Variants in VPS13D observed in about 807,000 individuals in gnomAD.
VPS13D encodes intermembrane lipid transfer protein VPS13D.
Under a neutral mutation model 461.9 loss-of-function variants are expected in VPS13D, and 187 were observed. The observed-to-expected ratio is 0.40, with a 90% CI of 0.36 to 0.46. The LOEUF (loss-of-function observed/expected upper bound fraction) is 0.46. Ranked by LOEUF, VPS13D falls within the 20% of genes least tolerant of loss-of-function variation. The probability of loss-of-function intolerance (pLI) is 0.60; values close to 1 mark genes in which losing one functional copy is unlikely to be tolerated. For synonymous variants in VPS13D, 1,951 were observed against 1,986.3 expected, an observed-to-expected ratio of 0.98 and a Z score of 0.47; for missense variants, 4,711 against 5,364.9, an observed-to-expected ratio of 0.88 and a Z score of 3.81.
At chr1:12,366,997 T>C (rs183017592) in intron 52 of VPS13D, among the ~76,000 whole-genome samples, 119 of 152,358 alleles carry the variant, frequency 7.8e-4, no homozygotes, top group Non-Finnish European at 1.4e-3. Flanking sequence ...ATATGTTTTC[T>C]AATAAATAGT....
At chr1:12,356,672 T>C in intron 49 of VPS13D, 148 bp downstream of exon 49, 1 of 1,022,440 alleles carries the variant, frequency 9.8e-7, no homozygotes, top group Non-Finnish European at 1.3e-6. Flanking sequence ...CCTAATGGGA[T>C]TTTTGGGGAT....
At chr1:12,439,487 CTT>C (rs1365821802) in intron 65 of VPS13D, among the ~76,000 whole-genome samples, 1 of 151,900 alleles carries the variant, frequency 6.6e-6, no homozygotes, top group Non-Finnish European at 1.5e-5. Context: ...CTCCTCCCCT[CTT>C]GTTTTTCTAC....
chr1:12,293,011 G>C (rs1390616322), intron 23 of VPS13D, among the ~76,000 whole-genome samples: 3 of 152,132 alleles, frequency 2.0e-5, no homozygotes, highest in Admixed American at 1.3e-4. Flanking sequence ...ATTAAACTCA[G>C]AACAATTTGT....
intron 2 of VPS13D, among the ~76,000 whole-genome samples, chr1:12,239,443 G>A (rs561727468): frequency 5.3e-5 from 8 of 152,318 alleles, no homozygotes; most frequent in African/African-American, 1.9e-4. Context: ...CCAGCCTTAA[G>A]TGGATTTTAG....
At chr1:12,341,913 G>A (rs1643577163) in intron 41 of VPS13D, 28 bp downstream of exon 41, 1 of 1,608,264 alleles carries the variant, frequency 6.2e-7, no homozygotes, top group Non-Finnish European at 8.5e-7. Flanking sequence ...ATTACCCCGA[G>A]TCATCTCTGC....
At chr1:12,492,639 T>C (rs1488047584) in intron 67 of VPS13D, among the ~76,000 whole-genome samples, 5 of 152,202 alleles carry the variant, frequency 3.3e-5, no homozygotes, top group Non-Finnish European at 7.3e-5. Context: ...AGCCAGCAAA[T>C]TCCCCCTAGA....
intron 5 of VPS13D, among the ~76,000 whole-genome samples, chr1:12,247,292 C>T (rs372261070): frequency 1.3e-5 from 2 of 151,864 alleles, no homozygotes; most frequent in Admixed American, 1.3e-4. Flanking sequence ...ATGTGCGTGT[C>T]GTCCCAGCTA....
At position 12,352,573 on chromosome 1, in the gene VPS13D, G is replaced by A. The variant is rs568619951; in HGVS notation, c.9432-1401G>A. On this transcript the variant is annotated intron_variant, in intron 46 of 69. Transcript: ENST00000620676. ...TAAAAAAAGAATGACAACACCAAGT[G>A]TTGACAAAGATGTGGAGCCACTAAA... Among the ~76,000 whole-genome samples, 58 of 152,308 alleles carry A rather than the reference G, an allele frequency of 3.8e-4. 2 individuals carry two copies. The South Asian group carries it at 0.011, about 30-fold the overall frequency.
intron 25 of VPS13D, among the ~76,000 whole-genome samples, chr1:12,303,008 T>C (rs1421901978): frequency 6.6e-6 from 1 of 152,196 alleles, no homozygotes; most frequent in Admixed American, 6.5e-5. Flanking sequence ...AACACATCTG[T>C]GAAGTTCACC....
intron 52 of VPS13D, among the ~76,000 whole-genome samples, chr1:12,364,038 TA>T (rs970380422): frequency 6.6e-6 from 1 of 151,140 alleles, no homozygotes; most frequent in African/African-American, 2.4e-5. Flanking sequence ...TCAAATACTT[TA>T]AAAAAATTAT....
intron 67 of VPS13D, among the ~76,000 whole-genome samples, chr1:12,467,395 C>T (rs192404082): frequency 6.6e-6 from 1 of 152,342 alleles, no homozygotes; most frequent in East Asian, 1.9e-4. Flanking sequence ...CGGTCTCGAA[C>T]TCCTGACCTC....
Position 12,260,715 on chromosome 1 carries a change from A to G in VPS13D, c.1133A>G (p.Glu378Gly). Reference protein sequence around the residue: ...DDKEEMCRIEEEQSFEELKIL... With the variant: ...DDKEEMCRIEGEQSFEELKIL... ...CAGGAGGAAATGTGTCGGATTGAAG[A>G]GGAACAGAGCTTTGAGGAATTGAAG... The change falls in exon 11 of 70, where the codon GAG becomes GGG. Residue 378 changes from glutamate (E) to glycine (G), a missense_variant. By Grantham distance (98) the Glu-to-Gly change is moderately conservative. This residue lies in a region of VPS13D where 4,411 missense variants were observed against 4,937.8 expected (regional missense o/e 0.89). Coordinates refer to ENST00000620676, the MANE Select transcript of VPS13D (RefSeq NM_015378.4). 6.2e-7 allele frequency: 1 copy of G among 1,614,110 alleles called. No individual in the cohort carries two copies. Among genetic ancestry groups the G allele is most frequent in the South Asian group, 1.1e-5 (1 of 91,084 alleles).
Position 12,379,917 on chromosome 1 carries a change from C to T in VPS13D, c.11190+321C>T, listed in dbSNP as rs374859721. On this transcript the variant is annotated intron_variant, in intron 57 of 69. Coordinates refer to ENST00000620676, the MANE Select transcript of VPS13D (RefSeq NM_015378.4). ...CCGAGTAGCTGGGACTACAGGTGCC[C>T]GCCACCACGCCCGGCTAATTTTTTG... Among the ~76,000 whole-genome samples, 371 of 152,048 alleles carry T rather than the reference C, an allele frequency of 2.4e-3. 4 individuals are homozygous for T. Among genetic ancestry groups the T allele is most frequent in the African/African-American group, 8.1e-3 (334 of 41,484 alleles).
At chr1:12,496,863 C>G (rs1026077025) in intron 67 of VPS13D, among the ~76,000 whole-genome samples, 1 of 149,262 alleles carries the variant, frequency 6.7e-6, no homozygotes, top group African/African-American at 2.6e-5. Context: ...TGGGCCAGGT[C>G]CAGGTCCAGG....
chr1:12,299,471 A>G lies in VPS13D; in HGVS notation c.6216+87A>G. 2.8e-6 allele frequency: 4 copies of G among 1,428,520 alleles called. No individual in the cohort carries two copies. Among genetic ancestry groups the G allele is most frequent in the Non-Finnish European group, 2.8e-6 (3 of 1,068,050 alleles). 88.5% of individuals were successfully genotyped at this position (1,428,520 alleles called of 1,614,324 possible). On this transcript the variant is annotated intron_variant, in intron 25 of 69. Coordinates refer to ENST00000620676, the MANE Select transcript of VPS13D (RefSeq NM_015378.4). The surrounding 1 kb of genome is among the most constrained non-coding windows in gnomAD (Gnocchi z 4.2). The stretch of plus-strand genomic sequence containing the variant: ...TTTGTATGCTGCTGTAAGATGATCC[A>G]TAATTGCTATTACTTTTGTAGGGTA...
At chr1:12,455,856 T>G (rs1570208488) in intron 65 of VPS13D, 142 bp from the exon 66 acceptor site, 1 of 1,034,602 alleles carries the variant, frequency 9.7e-7, no homozygotes, top group Non-Finnish European at 1.3e-6. Flanking sequence ...GAGGCGGAGG[T>G]TGTGATGAGA....
intron 21 of VPS13D, among the ~76,000 whole-genome samples, chr1:12,285,292 A>AT (rs1316760884): frequency 0.011 from 1,629 of 141,678 alleles, 31 homozygotes; most frequent in African/African-American, 0.031. Context: ...TTATTTATTT[A>AT]TTTATTTTTT....
At chr1:12,468,668 C>A (rs1243374283) in intron 67 of VPS13D, among the ~76,000 whole-genome samples, 1 of 152,188 alleles carries the variant, frequency 6.6e-6, no homozygotes, top group East Asian at 1.9e-4. Context: ...CATTTTCTTG[C>A]TAAATTTCTT....
chr1:12,246,105 G>C (rs1640542821), intron 5 of VPS13D, among the ~76,000 whole-genome samples: 2 of 152,220 alleles, frequency 1.3e-5, no homozygotes, highest in Admixed American at 6.5e-5. Flanking sequence ...CTTTTAAAGA[G>C]AGCTTGAGGG....
Sources: allele counts gnomAD v4.1 joint callset (sites outside exome capture counted in the v4.1 genomes callset), GRCh38; gene constraint gnomAD v4.1.1; regional missense constraint gnomAD v4.1.1; non-coding constraint Gnocchi (gnomAD v3.1); transcripts MANE v1.5; gene names NCBI Gene and HGNC (gene_info 2026-07-23, HGNC 2026-07-21).